Variants in IGSF9 observed in about 807,000 individuals in gnomAD.
IGSF9 encodes the protein protein turtle homolog A.
A neutral mutation model predicts 121.7 loss-of-function variants in IGSF9; 87 were observed. That is an observed-to-expected ratio of 0.71 (90% CI 0.60 to 0.85). The LOEUF is 0.85. IGSF9 is among the 40% of genes least tolerant of loss of function. The probability of loss-of-function intolerance (pLI) is 0.00; values close to 1 mark genes in which losing one functional copy is unlikely to be tolerated. For missense variants in IGSF9, 1,462 were observed against 1,565.3 expected (o/e 0.93, Z 1.11); for synonymous variants, 640 against 648.4 (o/e 0.99, Z 0.20).
intron 6 of IGSF9, among the ~76,000 whole-genome samples, chr1:159,935,200 C>G (rs529110218): frequency 6.6e-6 from 1 of 152,258 alleles, no homozygotes; most frequent in Admixed American, 6.5e-5. Flanking sequence ...TACCTCACCT[C>G]AAGATGCTGC....
At position 159,929,664 on chromosome 1, in the gene IGSF9, C is replaced by T. The variant is rs755051209; in HGVS notation, c.2300G>A (p.Arg767His). ...TTGGCGGAGGCGCTTGCGGCGGCGGCGGGCAGCCCTGCGCCGGTTCAGGAG... is the reference window on the plus strand; with the variant it reads ...TTGGCGGAGGCGCTTGCGGCGGCGGTGGGCAGCCCTGCGCCGGTTCAGGAG... ...GCLLNRRRAA[R>H]RRRKRLRQDP... The change falls in exon 17 of 21, where the codon CGC (arginine) becomes CAC (histidine). Residue 767 changes from arginine to histidine, a missense_variant. Arg to His is a conservative substitution (Grantham distance 29). This residue lies in a region of IGSF9 where 808 missense variants were observed against 815.2 expected (regional missense o/e 0.99). Coordinates refer to ENST00000368094, the MANE Select transcript of IGSF9 (RefSeq NM_001135050.2). 1.8e-5 allele frequency: 29 copies of T among 1,593,726 alleles called. No individual in the cohort carries two copies. The highest frequency in any genetic ancestry group is 2.3e-5 in the Non-Finnish European group (27 of 1,171,956).
chr1:159,927,616 C>A, intron 20 of IGSF9, 90 bp from the exon 21 acceptor site: 1 of 1,542,662 alleles, frequency 6.5e-7, no homozygotes, highest in Non-Finnish European at 8.8e-7. Context: ...CCTTCCAGTA[C>A]AGATGGCCCA....
rs1206512600 is a variant in IGSF9 at position 159,929,640 on chromosome 1, T to C, written c.2324A>G (p.Gln775Arg). Residue 775 changes from glutamine (Q) to arginine (R), a missense_variant and splice_region_variant, in exon 17 of 21, where the codon CAA (glutamine) becomes CGA (arginine). Gln to Arg is a conservative substitution (Grantham distance 43). This residue lies in a region of IGSF9 where 808 missense variants were observed against 815.2 expected (regional missense o/e 0.99). Coordinates refer to ENST00000368094, the MANE Select transcript of IGSF9 (RefSeq NM_001135050.2). ...AARRRRKRLR[Q>R]DPPLIFSPTG... Reference sequence around the variant, plus strand: ...GGGCTGAGGGTGGAGGGACTTACCTTGGCGGAGGCGCTTGCGGCGGCGGCG... The same window carrying C: ...GGGCTGAGGGTGGAGGGACTTACCTCGGCGGAGGCGCTTGCGGCGGCGGCG... 1.3e-6 allele frequency: 2 copies of C among 1,594,064 alleles called. No homozygotes were observed. Among genetic ancestry groups the C allele is most frequent in the Non-Finnish European group, 8.5e-7 (1 of 1,171,662 alleles).
At position 159,934,834 on chromosome 1, in the gene IGSF9, A is replaced by G. The variant is rs759046376; in HGVS notation, c.674-12T>C. On this transcript the variant is annotated splice_polypyrimidine_tract_variant and intron_variant, in intron 6 of 20. Coordinates refer to ENST00000368094, the MANE Select transcript of IGSF9 (RefSeq NM_001135050.2). ...GATGACTGGGGGTCCTGTGGGATGCACAAGGGGAGGAAGGTGGCCTCAGCC... is the reference window on the plus strand; with the variant it reads ...GATGACTGGGGGTCCTGTGGGATGCGCAAGGGGAGGAAGGTGGCCTCAGCC... The G allele has an allele frequency of 2.5e-6, 4 of 1,613,826 alleles. No individual in the cohort carries two copies. Among genetic ancestry groups the G allele is most frequent in the Non-Finnish European group, 3.4e-6 (4 of 1,179,946 alleles).
At position 159,935,637 on chromosome 1, in the gene IGSF9, A is replaced by G. The variant is rs1223581438; in HGVS notation, c.673+762T>C. Among the ~76,000 whole-genome samples, 3 of 152,230 alleles carry G rather than the reference A, an allele frequency of 2.0e-5. No homozygotes were observed. In the East Asian group the frequency reaches 5.8e-4, roughly 29 times the overall value. ...AGAGGTCATGATGCGAGCTGACACAACAGAGCACTGACTGCATGCGGGACA... is the reference window on the plus strand; with the variant it reads ...AGAGGTCATGATGCGAGCTGACACAGCAGAGCACTGACTGCATGCGGGACA... On this transcript the variant is annotated intron_variant, in intron 6 of 20. Transcript: ENST00000368094.
intron 3 of IGSF9, among the ~76,000 whole-genome samples, chr1:159,940,082 T>C (rs1478275762): frequency 6.6e-6 from 1 of 152,196 alleles, no homozygotes; most frequent in African/African-American, 2.4e-5. Flanking sequence ...CCATATTTAA[T>C]CCTCCCAAGA....
chr1:159,929,118 C>A, intron 18 of IGSF9, 100 bp from the exon 19 acceptor site: 1 of 1,444,702 alleles, frequency 6.9e-7, no homozygotes, highest in Non-Finnish European at 9.3e-7. Context: ...CAGAGCAGAG[C>A]TAGGAAGAAC....
chr1:159,932,061 G>A lies in IGSF9; in HGVS notation c.1246-133C>T. On this transcript the variant is annotated intron_variant, in intron 10 of 20. Transcript: ENST00000368094. This position sits in a 1 kb window ranked among gnomAD's most constrained non-coding sequence, Gnocchi z 4.1. ...CTCCCCCTAGCTAAACACTCACCAA[G>A]CCTGTCTCTACCTCATTCTCTCTCC... 1.6e-6 allele frequency: 1 copy of A among 630,412 alleles called. No homozygotes were observed. Among genetic ancestry groups the A allele is most frequent in the Non-Finnish European group, 2.8e-6 (1 of 358,096 alleles). The allele number at this position is 630,412 out of a possible 1,614,324, so 39.1% of individuals were successfully genotyped here. A position where few individuals can be genotyped will look rare whatever the true frequency, so the allele number is the denominator to read the frequency against.
rs771421838 is a variant in IGSF9, at chr1:159,929,781, G to A, written c.2183C>T (p.Pro728Leu). Residue 728 changes from proline (P) to leucine (L), a missense_variant, in exon 17 of 21, where the codon CCG (proline) becomes CTG (leucine). Coordinates refer to ENST00000368094, the MANE Select transcript of IGSF9 (RefSeq NM_001135050.2). ...CAGCACGGGCTGAGGCAGGAGGCCCGGCAGCTGCGTGCGCGAAGGGTAGAC... is the reference window on the plus strand; with the variant it reads ...CAGCACGGGCTGAGGCAGGAGGCCCAGCAGCTGCGTGCGCGAAGGGTAGAC... ...LEVYPSRTQLPGLLPQPVLAG... is the reference protein window; with the variant it reads ...LEVYPSRTQLLGLLPQPVLAG... 6.2e-6 allele frequency: 10 copies of A among 1,606,392 alleles called. No individual in the cohort carries two copies. Among genetic ancestry groups the A allele is most frequent in the East Asian group, 2.2e-5 (1 of 44,524 alleles).
Position 159,928,402 on chromosome 1 carries a change from AAGGGGGCTCTGC to A in IGSF9, c.2974_2985del (p.Ala992_Pro995del), listed in dbSNP as rs374964822. ...AGTGTCCAGTCAGCCAGGGCTGTGT[AAGGGGGCTCTGC>A]AGTGGCCCCAGCCCCTACCACAGCC... On this transcript the variant is annotated inframe_deletion, in exon 19 of 21. Coordinates refer to ENST00000368094, the MANE Select transcript of IGSF9 (RefSeq NM_001135050.2). The A allele has an allele frequency of 1.5e-3, 2,334 of 1,608,640 alleles. 51 individuals carry two copies. In the South Asian group the frequency reaches 0.024, roughly 17 times the overall value.
chr1:159,936,199 G>A lies in IGSF9; in HGVS notation c.673+200C>T, dbSNP rs143762619. On this transcript the variant is annotated intron_variant, in intron 6 of 20. Coordinates refer to ENST00000368094, the MANE Select transcript of IGSF9 (RefSeq NM_001135050.2). Reference sequence around the variant, plus strand: ...TAACACACTACTGGGCACTAAGATCGCTTTGTCTGCTTACTGAGCCTTTTA... The same window carrying A: ...TAACACACTACTGGGCACTAAGATCACTTTGTCTGCTTACTGAGCCTTTTA... 5.3e-5 allele frequency among the ~76,000 whole-genome samples: 8 copies of A among 152,278 alleles called. No individual in the cohort carries two copies. In the East Asian group the frequency reaches 1.2e-3, roughly 22 times the overall value.
chr1:159,940,129 T>C (rs1050454256), intron 3 of IGSF9, among the ~76,000 whole-genome samples: 3 of 152,248 alleles, frequency 2.0e-5, no homozygotes, highest in Non-Finnish European at 4.4e-5. Flanking sequence ...GTTAAGTTTC[T>C]TTCCAAAATC....
chr1:159,934,451 G>T lies in IGSF9; in HGVS notation c.935C>A (p.Ser312Ter). The change falls in exon 8 of 21, where the codon TCA becomes TAA. Residue 312 changes from serine (S) to a stop codon, truncating the protein, a stop_gained. Coordinates refer to ENST00000368094, the MANE Select transcript of IGSF9 (RefSeq NM_001135050.2). LOFTEE classifies it high-confidence loss of function. Reference protein sequence around the residue: ...VPSNGLLHPPSASAYLTVLYP... With the variant: ...VPSNGLLHPP ...GAGCACAGTGAGGTAGGCAGAGGCT[G>T]AGGGTGGATGCAGGAGGCCATTGCT... The T allele has an allele frequency of 6.3e-7, 1 of 1,595,404 alleles. No individual in the cohort carries two copies. Among genetic ancestry groups the T allele is most frequent in the East Asian group, 2.3e-5 (1 of 43,620 alleles).
intron 17 of IGSF9, 108 bp from the exon 18 acceptor site, chr1:159,929,501 C>T (rs1175429182): frequency 6.6e-7 from 1 of 1,505,098 alleles, no homozygotes; most frequent in Non-Finnish European, 9.1e-7. Context: ...CTGGGAAAAG[C>T]GTAGGCAGGA....
rs1051809154 is a variant in IGSF9 at position 159,928,590 on chromosome 1, C to T, written c.2798G>A (p.Arg933Gln). The T allele has an allele frequency of 3.3e-6, 5 of 1,511,834 alleles. No individual in the cohort carries two copies. The highest frequency in any genetic ancestry group is 2.3e-5 in the East Asian group (1 of 43,012). The allele number at this position is 1,511,834 out of a possible 1,614,324, so 93.7% of individuals were successfully genotyped here. The change falls in exon 19 of 21, where the codon CGA becomes CAA. Residue 933 changes from arginine (R) to glutamine (Q), a missense_variant. Arg to Gln is a conservative substitution (Grantham distance 43, BLOSUM62 1). This residue lies in a region of IGSF9 where 808 missense variants were observed against 815.2 expected (regional missense o/e 0.99). Transcript: ENST00000368094. ...LLQYLSLPFF[R>Q]EMNVDGDWPP... ...CCAGTCCCCATCCACATTCATCTCT[C>T]GGAAGAAGGGCAGGCTCAGGTACTG...
intron 17 of IGSF9, 31 bp downstream of exon 17, chr1:159,929,607 C>A: frequency 6.3e-7 from 1 of 1,579,616 alleles, no homozygotes; most frequent in Non-Finnish European, 8.6e-7. Context: ...CCCAAGTGCG[C>A]AGTAGCAGGG....
Position 159,930,347 on chromosome 1 carries a change from G to A in IGSF9, c.1906C>T (p.Pro636Ser), listed in dbSNP as rs760761022. 1 of 1,607,794 alleles carries A rather than the reference G, an allele frequency of 6.2e-7. No homozygotes were observed. The highest frequency in any genetic ancestry group is 8.5e-7 in the Non-Finnish European group (1 of 1,176,292). Residue 636 changes from proline to serine, a missense_variant, in exon 15 of 21, where the codon CCC becomes TCC. Physicochemically the swap from Pro to Ser is moderately conservative, Grantham distance 74 (BLOSUM62 -1). Around this residue, in one of 3 missense-constraint regions of IGSF9, gnomAD observed 808 missense variants for 815.2 expected, o/e 0.99. Coordinates refer to ENST00000368094, the MANE Select transcript of IGSF9 (RefSeq NM_001135050.2). Reference protein sequence around the residue: ...PPRGLVAVRTPRGVLLHWDPP... With the variant: ...PPRGLVAVRTSRGVLLHWDPP... ...TCCCAATGCAGGAGTACCCCCCGGG[G>A]TGTCCTCACTGCCACCAGACCCCGC... is the stretch of plus-strand genomic sequence containing the variant.
intron 4 of IGSF9, among the ~76,000 whole-genome samples, chr1:159,937,463 G>A (rs921808679): frequency 1.3e-5 from 2 of 152,078 alleles, no homozygotes; most frequent in Non-Finnish European, 2.9e-5. Context: ...GAGCCTAGAA[G>A]GCTGATTGAA....
Position 159,943,475 on chromosome 1 carries a change from C to G in IGSF9, c.-21G>C, listed in dbSNP as rs1262433004. The G allele has an allele frequency of 6.5e-6, 10 of 1,540,054 alleles. No individual in the cohort carries two copies. Among genetic ancestry groups the G allele is most frequent in the Non-Finnish European group, 7.9e-6 (9 of 1,143,426 alleles). ...ACCATAGCCCAGCTGGCCTGCTCAC[C>G]CAGCCCCTCCTATCCACAGGAGCCC... On this transcript the variant is annotated 5_prime_UTR_variant, in exon 2 of 21. Transcript: ENST00000368094.
Sources: gnomAD v4.1 joint callset for allele counts (sites outside exome capture counted in the v4.1 genomes callset) on GRCh38, gnomAD v4.1.1 for gene constraint, gnomAD v4.1.1 regional missense constraint, Gnocchi (gnomAD v3.1) non-coding constraint, MANE v1.5 for transcripts, NCBI Gene and HGNC (gene_info 2026-07-23, HGNC 2026-07-21) for gene names.